The following PREP variants were observed in gnomAD, a reference collection of about 807,000 sequenced individuals.
PREP encodes prolyl endopeptidase, also known as dJ355L5.1 (prolyl endopeptidase).
A neutral mutation model predicts 87.6 loss-of-function variants in PREP; 29 were observed. The observed-to-expected ratio is 0.33, with a 90% CI of 0.25 to 0.45. The LOEUF (loss-of-function observed/expected upper bound fraction) is 0.45. PREP is among the 20% of genes least tolerant of loss of function. The pLI, the probability that PREP is intolerant of heterozygous loss-of-function variation, is 1.00. For synonymous variants in PREP, 337 were observed against 328.6 expected, an observed-to-expected ratio of 1.03 and a Z score of -0.28; for missense variants, 695 against 886.5, an observed-to-expected ratio of 0.78 and a Z score of 2.74.
intron 7 of PREP, 104 bp from the exon 8 acceptor site, chr6:105,333,609 A>G (rs1339586625): frequency 8.7e-7 from 1 of 1,153,868 alleles, no homozygotes; most frequent in African/African-American, 1.5e-5. Context: ...TCAAAACATA[A>G]AGCAGAGATA....
At chr6:105,374,957 C>T (rs1772650957) in intron 4 of PREP, among the ~76,000 whole-genome samples, 1 of 151,780 alleles carries the variant, frequency 6.6e-6, no homozygotes, top group African/African-American at 2.4e-5. Flanking sequence ...AGACCCTGTC[C>T]CTCTGGATGG....
intron 7 of PREP, among the ~76,000 whole-genome samples, chr6:105,351,677 C>T (rs1468930887): frequency 1.3e-5 from 2 of 152,132 alleles, no homozygotes; most frequent in African/African-American, 4.8e-5. Flanking sequence ...AGGATAACAG[C>T]ACCATAATGT....
chr6:105,363,490 C>T (rs1772304689), intron 6 of PREP, among the ~76,000 whole-genome samples: 1 of 152,132 alleles, frequency 6.6e-6, no homozygotes, highest in South Asian at 2.1e-4. Flanking sequence ...AAATAACTGG[C>T]ACCTCTGCCC....
intron 1 of PREP, among the ~76,000 whole-genome samples, chr6:105,402,448 A>ACAC (rs1491566226): frequency 6.6e-6 from 1 of 150,454 alleles, no homozygotes; most frequent in African/African-American, 2.4e-5. Flanking sequence ...ACACACACAC[A>ACAC]AACACACACA....
intron 6 of PREP, among the ~76,000 whole-genome samples, chr6:105,368,274 T>C (rs990246092): frequency 6.6e-6 from 1 of 152,218 alleles, no homozygotes; most frequent in Non-Finnish European, 1.5e-5. Flanking sequence ...AGGAATGAAC[T>C]AACCAGAGTC....
At chr6:105,370,696 T>C (rs1380508057) in intron 5 of PREP, among the ~76,000 whole-genome samples, 2 of 152,070 alleles carry the variant, frequency 1.3e-5, no homozygotes, top group Non-Finnish European at 2.9e-5. Flanking sequence ...TAAAAAGAAA[T>C]GAGCCATCAA....
At chr6:105,329,674 A>C (rs1243201996) in intron 8 of PREP, among the ~76,000 whole-genome samples, 1 of 152,250 alleles carries the variant, frequency 6.6e-6, no homozygotes, top group East Asian at 1.9e-4. Flanking sequence ...CATGTCTGAC[A>C]GGATTGTTTA....
intron 2 of PREP, among the ~76,000 whole-genome samples, chr6:105,383,824 G>C (rs1314589979): frequency 6.6e-6 from 1 of 152,052 alleles, no homozygotes. Context: ...ACCCCATTAG[G>C]CTCCATTCTT....
intron 10 of PREP, among the ~76,000 whole-genome samples, chr6:105,311,391 C>T (rs748833309): frequency 3.9e-5 from 6 of 152,234 alleles, no homozygotes; most frequent in South Asian, 2.1e-4. Context: ...CTCTCTGAGA[C>T]CAAGTGCTTT....
intron 9 of PREP, 76 bp downstream of exon 9, chr6:105,328,753 T>C (rs895145635): frequency 4.8e-6 from 7 of 1,470,738 alleles, no homozygotes; most frequent in African/African-American, 1.4e-5. Flanking sequence ...CATAGCATTA[T>C]ACTTCCATTT....
chr6:105,297,406 G>C (rs1031236960), intron 10 of PREP, among the ~76,000 whole-genome samples: 1 of 152,214 alleles, frequency 6.6e-6, no homozygotes, highest in Admixed American at 6.5e-5. Flanking sequence ...ACAGCCATTA[G>C]TGCTTGATAA....
rs776619991 is a variant in PREP at position 105,282,521 on chromosome 6, C to A, written c.1611G>T (p.Leu537=). The stretch of plus-strand genomic sequence containing the variant: ...TGGGAGATGTGTAACCTTCCTTGAT[C>A]AGATACTCAGCAGCACACTGAAAGT... ...FDDFQCAAEY[L]IKEGYTSPKR... Residue 537 remains leucine, a synonymous_variant, in exon 13 of 15, where the codon CTG becomes CTT. Coordinates refer to ENST00000652536, the MANE Select transcript of PREP (RefSeq NM_002726.5). The A allele has an allele frequency of 1.2e-6, 2 of 1,614,158 alleles. No individual in the cohort carries two copies. Among genetic ancestry groups the A allele is most frequent in the East Asian group, 2.2e-5 (1 of 44,866 alleles).
intron 7 of PREP, among the ~76,000 whole-genome samples, chr6:105,340,220 A>G (rs528836864): frequency 2.7e-4 from 41 of 152,320 alleles, no homozygotes; most frequent in Non-Finnish European, 5.6e-4. Flanking sequence ...AAGCCACAAG[A>G]GAGTGGGGGC....
chr6:105,360,423 C>T (rs936006603), intron 6 of PREP, among the ~76,000 whole-genome samples: 4 of 152,096 alleles, frequency 2.6e-5, no homozygotes, highest in African/African-American at 4.8e-5. Context: ...CTTTTGAAGA[C>T]GAAACCCAGT....
At chr6:105,295,996 T>C (rs1373444716) in intron 10 of PREP, among the ~76,000 whole-genome samples, 4 of 152,246 alleles carry the variant, frequency 2.6e-5, no homozygotes, top group Non-Finnish European at 5.9e-5. Context: ...ATGTATGATA[T>C]ATTCTTAGAC....
At chr6:105,293,860 C>G (rs1770352311) in intron 10 of PREP, among the ~76,000 whole-genome samples, 1 of 152,182 alleles carries the variant, frequency 6.6e-6, no homozygotes, top group Non-Finnish European at 1.5e-5. Context: ...TTCGAAACAG[C>G]CATTCAAAAC....
At chr6:105,330,071 C>T (rs775136132) in intron 8 of PREP, among the ~76,000 whole-genome samples, 22 of 152,148 alleles carry the variant, frequency 1.4e-4, no homozygotes, top group East Asian at 3.9e-4. Flanking sequence ...ACGAGAGATC[C>T]GTTTTCAAGA....
At chr6:105,323,595 C>T in intron 10 of PREP, 70 bp downstream of exon 10, 1 of 1,327,930 alleles carries the variant, frequency 7.5e-7, no homozygotes, top group Non-Finnish European at 1.1e-6. Flanking sequence ...TGATAAGCTA[C>T]AGTGTGAATG....
intron 10 of PREP, among the ~76,000 whole-genome samples, chr6:105,294,805 T>C (rs1040215231): frequency 2.6e-5 from 4 of 152,230 alleles, no homozygotes; most frequent in African/African-American, 7.2e-5. Context: ...GTCATTTCCT[T>C]ACCCCTGGAA....
Sources: allele counts gnomAD v4.1 joint callset (sites outside exome capture counted in the v4.1 genomes callset), GRCh38; gene constraint gnomAD v4.1.1; transcripts MANE v1.5; gene names NCBI Gene and HGNC (gene_info 2026-07-23, HGNC 2026-07-21).